The following CYLC1 variants were observed in gnomAD, a reference collection of about 807,000 sequenced individuals.
The protein encoded by CYLC1 is cylicin-1.
Under a neutral mutation model 31.6 loss-of-function variants are expected in CYLC1, and 2 were observed. The observed-to-expected ratio is 0.06, with a 90% CI of 0.03 to 0.20. The LOEUF (loss-of-function observed/expected upper bound fraction) is 0.20, where lower values mean the gene tolerates loss of function less well. Among genes scored for constraint, CYLC1 ranks in the 10% least tolerant of loss-of-function variants. The probability of loss-of-function intolerance (pLI) is 1.00; values close to 1 mark genes in which losing one functional copy is unlikely to be tolerated. For synonymous variants in CYLC1, 185 were observed against 153.0 expected (o/e 1.21, Z -1.54); for missense variants, 595 against 424.1 (o/e 1.40, Z -3.54).
intron 1 of CYLC1, among the ~76,000 whole-genome samples, chrX:83,861,704 AAC>A (rs1480037493): frequency 8.9e-6 from 1 of 111,899 alleles, no homozygotes; most frequent in Non-Finnish European, 1.9e-5. Flanking sequence ...TATGGAATTA[AAC>A]AGTTTTCTGA....
chrX:83,877,931 T>C (rs1263780851), intron 4 of CYLC1, among the ~76,000 whole-genome samples: 2 of 78,340 alleles, frequency 2.6e-5, no homozygotes, highest in African/African-American at 9.3e-5. Flanking sequence ...TATATAAATA[T>C]AAATATATAT....
Position 83,863,479 on chromosome X carries a change from A to C in CYLC1, c.17+2280A>C, listed in dbSNP as rs767867562. On this transcript the variant is annotated intron_variant, in intron 1 of 4. Transcript: ENST00000329312. ...TTAGCACAAATATTTCCTTGCATAC[A>C]TCCTCAGTTCCCTTTATCCCACTCT... Among the ~76,000 whole-genome samples the C allele has an allele frequency of 2.0e-3, 223 of 111,224 alleles. 1 individual carries two copies. Among genetic ancestry groups the C allele is most frequent in the Middle Eastern group, 4.7e-3 (1 of 214 alleles).
At chrX:83,863,299 C>T (rs763467668) in intron 1 of CYLC1, among the ~76,000 whole-genome samples, 3 of 111,350 alleles carry the variant, frequency 2.7e-5, no homozygotes, top group African/African-American at 6.5e-5. Flanking sequence ...TGTCAGGTAC[C>T]TCTAATAACC....
intron 1 of CYLC1, among the ~76,000 whole-genome samples, chrX:83,862,230 T>C (rs1372477453): frequency 9.0e-6 from 1 of 110,985 alleles, no homozygotes; most frequent in Non-Finnish European, 1.9e-5. Flanking sequence ...TCAATAAGTT[T>C]GAAAGAAAGA....
At chrX:83,880,982 T>C (rs1474340567) in intron 4 of CYLC1, among the ~76,000 whole-genome samples, 1 of 111,917 alleles carries the variant, frequency 8.9e-6, no homozygotes, top group Non-Finnish European at 1.9e-5. Context: ...TACATGACAT[T>C]ATGCTCAATA....
In CYLC1 at chrX:83,873,442, T is replaced by C. The variant is rs1016827744; in HGVS notation, c.734T>C (p.Val245Ala). ...ATTTGCTCAGAAAATAGTTTAAATG[T>C]TGATTTCCTCATGTTAGTGGGACAG... ...SEICSENSLN[V>A]DFLMLVGQSD... The change falls in exon 4 of 5, where the codon GTT becomes GCT. Residue 245 changes from valine to alanine, a missense_variant. By Grantham distance (64) the Val-to-Ala change is moderately conservative. Transcript: ENST00000329312. 3.3e-6 allele frequency: 4 copies of C among 1,200,710 alleles called. No individual in the cohort carries two copies. The highest frequency in any genetic ancestry group is 4.5e-6 in the Non-Finnish European group (4 of 890,771).
At chrX:83,882,853 GA>G (rs781384339) in intron 4 of CYLC1, among the ~76,000 whole-genome samples, 3 of 110,824 alleles carry the variant, frequency 2.7e-5, no homozygotes, top group African/African-American at 9.8e-5. Flanking sequence ...AGCTCCAAGA[GA>G]TCAGAAAAAA....
chrX:83,877,914 A>ATATTTATATATATATAAATATAAATT (rs10669192), intron 4 of CYLC1, among the ~76,000 whole-genome samples: 1 of 64,404 alleles, frequency 1.6e-5, no homozygotes, highest in Non-Finnish European at 2.7e-5. Context: ...ATATAAATAT[A>ATATTTATATATATATAAATATAAATT]TATATATATA....
Position 83,869,642 on chromosome X carries a change from C to A in CYLC1, c.18-223C>A, listed in dbSNP as rs2031636692. Among the ~76,000 whole-genome samples, 3 of 110,863 alleles carry A rather than the reference C, an allele frequency of 2.7e-5. No homozygotes were observed. In the South Asian group the frequency reaches 1.1e-3, roughly 41 times the overall value. ...TTAATACGAATTAAAGGTAGACATT[C>A]TTTAAAAATGGAGATAAGAGAATGA... On this transcript the variant is annotated intron_variant, in intron 1 of 4. Transcript: ENST00000329312.
intron 1 of CYLC1, chrX:83,864,808 T>C: frequency 4.2e-6 from 1 of 236,481 alleles, no homozygotes; most frequent in East Asian, 1.5e-4. Context: ...TCATGAAATA[T>C]TCTTCTCTTG....
Position 83,873,530 on chromosome X carries a change from G to T in CYLC1, c.822G>T (p.Lys274Asn), listed in dbSNP as rs148140928. 1.8e-5 allele frequency: 22 copies of T among 1,196,758 alleles called. No homozygotes were observed. Among genetic ancestry groups the T allele is most frequent in the East Asian group, 8.9e-5 (3 of 33,553 alleles). The change falls in exon 4 of 5, where the codon AAG (lysine) becomes AAT (asparagine). Residue 274 changes from lysine to asparagine, a missense_variant. Coordinates refer to ENST00000329312, the MANE Select transcript of CYLC1 (RefSeq NM_021118.3). Reference protein sequence around the residue: ...WLRNYSQNNSKNYSLKYTKYT... With the variant: ...WLRNYSQNNSNNYSLKYTKYT... ...GGAATTACTCACAGAATAATTCAAA[G>T]AATTATTCTTTGAAGTATACAAAGT...
At chrX:83,866,179 A>G (rs1393665189) in intron 1 of CYLC1, among the ~76,000 whole-genome samples, 1 of 111,758 alleles carries the variant, frequency 8.9e-6, no homozygotes, top group African/African-American at 3.3e-5. Context: ...AAATTAAAAA[A>G]CACATTTTCT....
Position 83,886,646 on chromosome X carries a change from A to G in CYLC1, c.*62A>G. ...ACCACAGTAAGCACCACCTACTCTC[A>G]AATGAGCATTTCTACCTCTGTGGAA... On this transcript the variant is annotated 3_prime_UTR_variant, in exon 5 of 5. Coordinates refer to ENST00000329312, the MANE Select transcript of CYLC1 (RefSeq NM_021118.3). The G allele has an allele frequency of 1.0e-6, 1 of 970,402 alleles. No homozygotes were observed. The highest frequency in any genetic ancestry group is 2.1e-5 in the South Asian group (1 of 48,708). 80.0% of individuals were successfully genotyped at this position (970,402 alleles called of 1,213,427 possible).
chrX:83,880,700 A>G (rs1323616815), intron 4 of CYLC1, among the ~76,000 whole-genome samples: 2 of 111,638 alleles, frequency 1.8e-5, no homozygotes, highest in African/African-American at 3.2e-5. Flanking sequence ...TGAAACATGT[A>G]AGATGTTTAG....
chrX:83,880,450 A>G (rs1473129905), intron 4 of CYLC1, among the ~76,000 whole-genome samples: 1 of 111,507 alleles, frequency 9.0e-6, no homozygotes, highest in Admixed American at 9.6e-5. Flanking sequence ...AGAATTAAAT[A>G]CATTATTTGA....
chrX:83,868,187 C>A (rs1170010460), intron 1 of CYLC1, among the ~76,000 whole-genome samples: 1 of 110,824 alleles, frequency 9.0e-6, no homozygotes, highest in African/African-American at 3.3e-5. Flanking sequence ...TAAAAAATTG[C>A]AAATTTGAAA....
Position 83,871,687 on chromosome X carries a change from T to A in CYLC1, c.177+117T>A, listed in dbSNP as rs2031667495. The A allele has an allele frequency of 4.3e-6, 3 of 698,317 alleles. No individual in the cohort carries two copies. The African/African-American group carries it at 6.7e-5, about 16-fold the overall frequency. 57.5% of individuals were successfully genotyped at this position (698,317 alleles called of 1,213,427 possible). A position where few individuals can be genotyped will look rare whatever the true frequency, so the allele number is the denominator to read the frequency against. ...TACCTGTTGGAAGATATTTTTAAAT[T>A]TGTAATTCTCTGTACAACAGACTGC... On this transcript the variant is annotated intron_variant, in intron 3 of 4. Coordinates refer to ENST00000329312, the MANE Select transcript of CYLC1 (RefSeq NM_021118.3).
intron 4 of CYLC1, among the ~76,000 whole-genome samples, chrX:83,877,263 C>T (rs2031778014): frequency 9.0e-6 from 1 of 111,164 alleles, no homozygotes; most frequent in African/African-American, 3.3e-5. Context: ...CTACCACCTT[C>T]GTTGCTCCAG....
intron 2 of CYLC1, 140 bp downstream of exon 2, chrX:83,870,045 CATG>C: frequency 3.5e-6 from 1 of 285,971 alleles, no homozygotes; most frequent in East Asian, 8.7e-5. Flanking sequence ...AGCATGTATG[CATG>C]ATATTTATAT....
Sources: allele counts gnomAD v4.1 joint callset (sites outside exome capture counted in the v4.1 genomes callset), GRCh38; gene constraint gnomAD v4.1.1; transcripts MANE v1.5; gene names NCBI Gene and HGNC (gene_info 2026-07-23, HGNC 2026-07-21).